Variants in PTPRD observed in about 807,000 individuals in gnomAD.
The protein encoded by PTPRD is receptor-type tyrosine-protein phosphatase delta.
A neutral mutation model predicts 214.5 loss-of-function variants in PTPRD; 34 were observed. The observed-to-expected ratio is 0.16, with a 90% CI of 0.12 to 0.21. The LOEUF is 0.21. Among genes scored for constraint, PTPRD ranks in the 10% least tolerant of loss-of-function variants. The pLI is 1.00. For missense variants in PTPRD, 2,545 were observed against 2,398.7 expected, an observed-to-expected ratio of 1.06 and a Z score of -1.27; for synonymous variants, 1,128 against 845.7, an observed-to-expected ratio of 1.33 and a Z score of -5.79.
intron 6 of PTPRD, among the ~76,000 whole-genome samples, chr9:9,761,576 T>C (rs2098657158): frequency 6.6e-6 from 1 of 152,148 alleles, no homozygotes; most frequent in East Asian, 1.9e-4. Context: ...CTGAACAATA[T>C]TGGGGGTTTA....
chr9:9,479,524 T>C (rs1283509964), intron 8 of PTPRD, among the ~76,000 whole-genome samples: 4 of 152,178 alleles, frequency 2.6e-5, no homozygotes, highest in Non-Finnish European at 5.9e-5. Flanking sequence ...AGTATTTCTA[T>C]GCCAATTTTA....
intron 2 of PTPRD, among the ~76,000 whole-genome samples, chr9:10,452,790 A>G (rs1168786093): frequency 6.6e-6 from 1 of 151,692 alleles, no homozygotes; most frequent in African/African-American, 2.4e-5. Flanking sequence ...CTTTTCATCT[A>G]TGAGTTGTTT....
chr9:10,387,796 T>C lies in PTPRD; in HGVS notation c.-599-46779A>G, dbSNP rs2097950502. Among the ~76,000 whole-genome samples, 3 of 140,858 alleles carry C rather than the reference T, an allele frequency of 2.1e-5. No homozygotes were observed. The South Asian group carries it at 7.0e-4, about 33-fold the overall frequency. The allele number at this position is 140,858 out of a possible 152,430, so 92.4% of individuals were successfully genotyped here. On this transcript the variant is annotated intron_variant, in intron 2 of 45. Coordinates refer to ENST00000381196, the MANE Select transcript of PTPRD (RefSeq NM_002839.4). ...CATTACTGATACCTGTTGAATACGATTTAAAAAAAAAAAAAGATTTTGTCT... is the reference window on the plus strand; with the variant it reads ...CATTACTGATACCTGTTGAATACGACTTAAAAAAAAAAAAAGATTTTGTCT...
At chr9:9,903,565 T>A (rs1219850224) in intron 5 of PTPRD, among the ~76,000 whole-genome samples, 1 of 152,096 alleles carries the variant, frequency 6.6e-6, no homozygotes, top group Non-Finnish European at 1.5e-5. Context: ...TAGTACACAG[T>A]GCCTGAGACT....
intron 3 of PTPRD, among the ~76,000 whole-genome samples, chr9:10,287,110 G>A (rs1181400691): frequency 6.6e-6 from 1 of 152,204 alleles, no homozygotes; most frequent in Admixed American, 6.5e-5. Context: ...TACTGGTGAA[G>A]CCAAGGAGCT....
At chr9:9,991,301 TCAAA>T (rs2095908802) in intron 4 of PTPRD, among the ~76,000 whole-genome samples, 3 of 151,840 alleles carry the variant, frequency 2.0e-5, no homozygotes, top group African/African-American at 7.3e-5. Context: ...TAGCACTAAC[TCAAA>T]CAGAGAGTGA....
intron 12 of PTPRD, among the ~76,000 whole-genome samples, chr9:8,683,722 A>G (rs755607436): frequency 6.6e-6 from 1 of 152,142 alleles, no homozygotes; most frequent in Non-Finnish European, 1.5e-5. Context: ...CTGGCCATAG[A>G]GTATGCTGGA....
chr9:9,953,788 C>T (rs779956977), intron 4 of PTPRD, among the ~76,000 whole-genome samples: 263 of 152,078 alleles, frequency 1.7e-3, no homozygotes, highest in Non-Finnish European at 1.9e-3. Context: ...ATGTCATGCT[C>T]ATGCTACATA....
At chr9:9,004,071 T>G (rs1028440127) in intron 11 of PTPRD, among the ~76,000 whole-genome samples, 1 of 152,068 alleles carries the variant, frequency 6.6e-6, no homozygotes, top group Non-Finnish European at 1.5e-5. Flanking sequence ...TAAATCTTTT[T>G]GTGTTCTCAC....
At chr9:8,848,796 T>C (rs1244536470) in intron 11 of PTPRD, among the ~76,000 whole-genome samples, 1 of 125,656 alleles carries the variant, frequency 8.0e-6, no homozygotes, top group East Asian at 2.2e-4. Context: ...CTTTATTACT[T>C]TTATCTATGC....
intron 12 of PTPRD, among the ~76,000 whole-genome samples, chr9:8,651,560 GCTT>G (rs1322478192): frequency 6.6e-6 from 1 of 152,104 alleles, no homozygotes; most frequent in African/African-American, 2.4e-5. Flanking sequence ...TAGTTCTTTT[GCTT>G]TTTTTCCTTC....
chr9:9,750,104 T>C (rs1056878253), intron 6 of PTPRD, among the ~76,000 whole-genome samples: 1 of 152,164 alleles, frequency 6.6e-6, no homozygotes, highest in Non-Finnish European at 1.5e-5. Context: ...CATTACACAA[T>C]TACTAATACA....
intron 10 of PTPRD, among the ~76,000 whole-genome samples, chr9:9,020,574 C>T (rs1035664377): frequency 6.6e-6 from 1 of 152,034 alleles, no homozygotes; most frequent in South Asian, 2.1e-4. Context: ...ACTGAGTGCA[C>T]GTGCTGCCAT....
intron 5 of PTPRD, among the ~76,000 whole-genome samples, chr9:9,771,012 T>C (rs1253994258): frequency 6.6e-6 from 1 of 152,162 alleles, no homozygotes; most frequent in East Asian, 1.9e-4. Flanking sequence ...GAGGTATTCT[T>C]ACAAAAGCAG....
intron 24 of PTPRD, 30 bp downstream of exon 24, chr9:8,500,724 G>A (rs2136941659): frequency 6.2e-7 from 1 of 1,607,950 alleles, no homozygotes; most frequent in African/African-American, 1.3e-5. Flanking sequence ...TGTCAGAAGG[G>A]TGCAAACTGA....
intron 3 of PTPRD, among the ~76,000 whole-genome samples, chr9:10,198,750 A>G (rs1040038885): frequency 6.6e-6 from 1 of 152,148 alleles, no homozygotes; most frequent in Non-Finnish European, 1.5e-5. Flanking sequence ...TCCAAGATAG[A>G]AAAATGAATC....
chr9:9,432,094 A>G (rs964304958), intron 8 of PTPRD, among the ~76,000 whole-genome samples: 5 of 149,464 alleles, frequency 3.3e-5, no homozygotes, highest in African/African-American at 1.2e-4. Flanking sequence ...ATAATAAAAG[A>G]AACACTGAAA....
At chr9:8,572,643 T>C (rs892724875) in intron 14 of PTPRD, among the ~76,000 whole-genome samples, 1 of 152,052 alleles carries the variant, frequency 6.6e-6, no homozygotes, top group African/African-American at 2.4e-5. Flanking sequence ...AATAACTGCT[T>C]AGAGAGGTAC....
intron 3 of PTPRD, among the ~76,000 whole-genome samples, chr9:10,103,105 A>G (rs1591260690): frequency 6.6e-6 from 1 of 151,704 alleles, no homozygotes. Flanking sequence ...GAGTCGGTCT[A>G]TAGACCTAGT....
Sources: allele counts gnomAD v4.1 joint callset (sites outside exome capture counted in the v4.1 genomes callset), GRCh38; gene constraint gnomAD v4.1.1; transcripts MANE v1.5; gene names NCBI Gene and HGNC (gene_info 2026-07-23, HGNC 2026-07-21).